Variants in PCDHA10 observed in about 807,000 individuals in gnomAD.
PCDHA10 encodes protocadherin alpha 10.
A neutral mutation model predicts 61.2 loss-of-function variants in PCDHA10; 45 were observed. The ratio of observed to expected loss-of-function variants is 0.74; its 90% CI spans 0.58 to 0.94. PCDHA10 has a LOEUF of 0.94. Among genes scored for constraint, PCDHA10 ranks in the 40% least tolerant of loss-of-function variants. The pLI is 0.00. For synonymous variants in PCDHA10, 602 were observed against 548.8 expected (o/e 1.10, Z -1.35); for missense variants, 1,278 against 1,236.2 (o/e 1.03, Z -0.51).
chr5:140,912,635 T>G (rs1554195442), intron 1 of PCDHA10, among the ~76,000 whole-genome samples: 2 of 152,156 alleles, frequency 1.3e-5, no homozygotes, highest in Admixed American at 6.5e-5. Context: ...AGACTTTCAG[T>G]ACTATGTTGA....
chr5:140,883,722 A>G (rs1249317360), intron 1 of PCDHA10: 1 of 1,613,546 alleles, frequency 6.2e-7, no homozygotes, highest in Non-Finnish European at 8.5e-7. Context: ...GCGGACGCAC[A>G]GGAGAACGCG....
At chr5:140,946,077 C>T (rs246055) in intron 1 of PCDHA10, among the ~76,000 whole-genome samples, 85,716 of 151,878 alleles carry the variant, frequency 0.56, 24,786 homozygotes, top group African/African-American at 0.69. Context: ...TTGCAAACCA[C>T]AGATCTGATA....
At chr5:140,985,128 G>A (rs908196925) in intron 3 of PCDHA10, among the ~76,000 whole-genome samples, 3 of 152,056 alleles carry the variant, frequency 2.0e-5, no homozygotes, top group Admixed American at 6.6e-5. Flanking sequence ...TAGTAAAGAC[G>A]GGGTTTCACC....
intron 1 of PCDHA10, among the ~76,000 whole-genome samples, chr5:140,942,855 A>G (rs1323763970): frequency 6.6e-6 from 1 of 152,110 alleles, no homozygotes; most frequent in African/African-American, 2.4e-5. Flanking sequence ...TAAGATGATT[A>G]TTTTGCTTTA....
chr5:140,927,870 G>A (rs1302526715), intron 1 of PCDHA10: 1 of 1,614,100 alleles, frequency 6.2e-7, no homozygotes. Context: ...CCGCTAAACT[G>A]CTGGTGGAGG....
intron 1 of PCDHA10, chr5:140,929,256 A>T (rs572411725): frequency 1.9e-6 from 3 of 1,613,220 alleles, no homozygotes; most frequent in Non-Finnish European, 2.5e-6. Context: ...CTGGGGTAGG[A>T]CTGAATTTGC....
chr5:140,889,662 C>T (rs1397086074), intron 1 of PCDHA10, among the ~76,000 whole-genome samples: 1 of 151,946 alleles, frequency 6.6e-6, no homozygotes, highest in Admixed American at 6.6e-5. Context: ...GTCCTCTTCC[C>T]AGCCTTTTAT....
intron 3 of PCDHA10, among the ~76,000 whole-genome samples, chr5:141,007,707 C>T (rs1027610738): frequency 6.6e-6 from 1 of 152,172 alleles, no homozygotes; most frequent in Non-Finnish European, 1.5e-5. Context: ...CCTCTGCCTC[C>T]CACCACCAGG....
At chr5:140,903,454 A>G (rs1554190971) in intron 1 of PCDHA10, among the ~76,000 whole-genome samples, 1 of 152,208 alleles carries the variant, frequency 6.6e-6, no homozygotes, top group Non-Finnish European at 1.5e-5. Flanking sequence ...ATCTGATCAA[A>G]CTTAAAATAT....
chr5:140,982,300 G>A (rs2096976836), intron 2 of PCDHA10, 175 bp from the exon 3 acceptor site: 1 of 1,204,506 alleles, frequency 8.3e-7, no homozygotes, highest in South Asian at 1.7e-5. Flanking sequence ...AGTCAGCAAT[G>A]CTTCTGCAGT....
At chr5:140,870,641 G>C in intron 1 of PCDHA10, 1 of 1,612,818 alleles carries the variant, frequency 6.2e-7, no homozygotes, top group South Asian at 1.1e-5. Context: ...CACGCGGAGA[G>C]CGGCAAGGTG....
chr5:140,990,754 G>A (rs3822343), intron 3 of PCDHA10, among the ~76,000 whole-genome samples: 7,419 of 152,246 alleles, frequency 0.049, 237 homozygotes, highest in South Asian at 0.11. Flanking sequence ...GGATACCTTT[G>A]AGCCTGTAAA....
At chr5:140,895,532 A>G (rs546443647) in intron 1 of PCDHA10, among the ~76,000 whole-genome samples, 1 of 152,172 alleles carries the variant, frequency 6.6e-6, no homozygotes, top group East Asian at 1.9e-4. Flanking sequence ...TCGTTTTTCA[A>G]TTGTTGAGTT....
intron 2 of PCDHA10, among the ~76,000 whole-genome samples, chr5:140,980,141 T>C (rs1241352797): frequency 1.3e-5 from 2 of 152,164 alleles, no homozygotes; most frequent in Non-Finnish European, 2.9e-5. Context: ...CCAGAAACAT[T>C]CATGCATATA....
intron 1 of PCDHA10, among the ~76,000 whole-genome samples, chr5:140,977,672 A>G (rs1404527905): frequency 6.6e-6 from 1 of 152,202 alleles, no homozygotes; most frequent in East Asian, 1.9e-4. Flanking sequence ...TGCATGCCAA[A>G]TATCATGTAG....
chr5:140,868,938 T>C, intron 1 of PCDHA10: 1 of 1,227,722 alleles, frequency 8.1e-7, no homozygotes. Context: ...AAGGTTGGTC[T>C]GAACAGTGAG....
rs541123870 is a variant in PCDHA10 at position 140,857,278 on chromosome 5, C to T, written c.1230C>T (p.Ser410=). 4.4e-6 allele frequency: 7 copies of T among 1,598,684 alleles called. No individual in the cohort carries two copies. The South Asian group carries it at 7.7e-5, about 18-fold the overall frequency. The change falls in exon 1 of 4, where the codon AGC becomes AGT. Residue 410 remains serine (S), a synonymous_variant. Coordinates refer to ENST00000307360, the MANE Select transcript of PCDHA10 (RefSeq NM_018901.4). ...YKNYYSLVLD[S]ALDRERVSAY... ...ATTACTACTCATTGGTGCTGGACAG[C>T]GCTCTGGACCGCGAGAGGGTGTCGG...
chr5:140,891,427 C>T (rs1465861457), intron 1 of PCDHA10, among the ~76,000 whole-genome samples: 2 of 149,500 alleles, frequency 1.3e-5, no homozygotes, highest in African/African-American at 4.9e-5. Flanking sequence ...CCCCCAAGTC[C>T]CCAACGTCCA....
chr5:140,902,565 T>G (rs571957153), intron 1 of PCDHA10, among the ~76,000 whole-genome samples: 1 of 152,110 alleles, frequency 6.6e-6, no homozygotes. Context: ...TTTTTGAGGG[T>G]TTTTAAGATT....
Sources: allele counts gnomAD v4.1 joint callset (sites outside exome capture counted in the v4.1 genomes callset), GRCh38; gene constraint gnomAD v4.1.1; transcripts MANE v1.5; gene names NCBI Gene and HGNC (gene_info 2026-07-23, HGNC 2026-07-21).